The following SIL1 variants were observed in gnomAD, a reference collection of about 807,000 sequenced individuals.
The protein encoded by SIL1 is SIL1 nucleotide exchange factor, also known as nucleotide exchange factor SIL1.
A neutral mutation model predicts 49.1 loss-of-function variants in SIL1; 40 were observed. The observed-to-expected ratio is 0.81, with a 90% CI of 0.63 to 1.06. The LOEUF (loss-of-function observed/expected upper bound fraction) is 1.06. Among genes scored for constraint, SIL1 ranks in the 50% least tolerant of loss-of-function variants. The pLI is 0.00. For synonymous variants in SIL1, 253 were observed against 250.8 expected (o/e 1.01, Z -0.08); for missense variants, 500 against 572.6 (o/e 0.87, Z 1.29).
intron 3 of SIL1, among the ~76,000 whole-genome samples, chr5:139,115,168 C>A (rs1483086511): frequency 2.6e-5 from 4 of 152,160 alleles, no homozygotes; most frequent in Non-Finnish European, 5.9e-5. Flanking sequence ...GCCTCCCAAC[C>A]ACAGACCTGG....
intron 7 of SIL1, among the ~76,000 whole-genome samples, chr5:138,952,610 C>A (rs192073290): frequency 5.9e-5 from 9 of 152,206 alleles, no homozygotes; most frequent in Admixed American, 3.9e-4. Flanking sequence ...AACGACTGAA[C>A]GAACGAACGA....
At chr5:139,122,423 C>T (rs1349790625) in intron 2 of SIL1, among the ~76,000 whole-genome samples, 5 of 152,016 alleles carry the variant, frequency 3.3e-5, no homozygotes, top group Admixed American at 6.6e-5. Context: ...CAAAACCCCA[C>T]CTCTACAAAA....
intron 2 of SIL1, among the ~76,000 whole-genome samples, 198 bp from the exon 3 acceptor site, chr5:139,121,371 G>C (rs571792627): frequency 3.5e-4 from 54 of 152,280 alleles, no homozygotes; most frequent in Middle Eastern, 3.4e-3. Context: ...AATGAATGCA[G>C]CATGTTGTCC....
intron 7 of SIL1, among the ~76,000 whole-genome samples, chr5:139,014,426 T>C: frequency 6.7e-6 from 1 of 149,128 alleles, no homozygotes. Flanking sequence ...ATAAAGATGA[T>C]GATAAAACAA....
intron 1 of SIL1, among the ~76,000 whole-genome samples, chr5:139,188,462 G>C (rs1410294236): frequency 6.6e-6 from 1 of 152,132 alleles, no homozygotes; most frequent in African/African-American, 2.4e-5. Context: ...GAGAAGTGAG[G>C]CATGGTCTAT....
At chr5:139,047,674 C>G (rs1334787981) in intron 4 of SIL1, among the ~76,000 whole-genome samples, 1 of 152,190 alleles carries the variant, frequency 6.6e-6, no homozygotes, top group Non-Finnish European at 1.5e-5. Flanking sequence ...TGCTAAGGGG[C>G]CAGGAAGACA....
chr5:139,045,237 G>A (rs1769130755), intron 4 of SIL1, among the ~76,000 whole-genome samples: 1 of 151,910 alleles, frequency 6.6e-6, no homozygotes, highest in African/African-American at 2.4e-5. Context: ...TGCACCTGTG[G>A]CCCCAGCTAC....
At chr5:138,989,542 GGGAAGAAAGAGA>G (rs1767714036) in intron 7 of SIL1, among the ~76,000 whole-genome samples, 1 of 152,130 alleles carries the variant, frequency 6.6e-6, no homozygotes. Context: ...ACAGGAGGGA[GGGAAGAAAGAGA>G]GGAAGGAAGA....
Position 139,121,075 on chromosome 5 carries a change from C to T in SIL1, c.204G>A (p.Glu68=), listed in dbSNP as rs145095071. The T allele has an allele frequency of 3.1e-6, 5 of 1,614,072 alleles. No individual in the cohort carries two copies. In the South Asian group the frequency reaches 4.4e-5, roughly 14 times the overall value. ...AEEELDAEVL[E]VFHPTHEWQA... is the part of the protein sequence containing the mutation. The stretch of plus-strand genomic sequence containing the variant: ...GCCACTCATGCGTCGGGTGGAACAC[C>T]TCCAGGACTTCGGCATCCAGCTCCT... The change falls in exon 3 of 10, where the codon GAG becomes GAA. Residue 68 remains glutamate (E), a synonymous_variant. Transcript: ENST00000394817.
chr5:139,051,019 A>T lies in SIL1; in HGVS notation c.272T>A (p.Val91Glu). Residue 91 changes from valine to glutamate, a missense_variant, in exon 4 of 10, where the codon GTA becomes GAA. Transcript: ENST00000394817. ...PGQAVPAGSH[V>E]RLNLQTGERE... ...TTCCCCAGTCTGAAGATTCAGCCGT[A>T]CGTGGGATCCTGCAGGGACAGCCTG... The T allele has an allele frequency of 1.9e-6, 3 of 1,614,202 alleles. No homozygotes were observed. Among genetic ancestry groups the T allele is most frequent in the Non-Finnish European group, 1.7e-6 (2 of 1,180,034 alleles).
Position 139,050,990 on chromosome 5 carries a change from C to T in SIL1, c.301G>A (p.Glu101Lys). The T allele has an allele frequency of 6.2e-7, 1 of 1,614,202 alleles. No homozygotes were observed. Among genetic ancestry groups the T allele is most frequent in the Non-Finnish European group, 8.5e-7 (1 of 1,180,038 alleles). ...TTGTCCTCATATTGGAGTTTTGCCTCTCTTTCCCCAGTCTGAAGATTCAGC... is the reference window on the plus strand; with the variant it reads ...TTGTCCTCATATTGGAGTTTTGCCTTTCTTTCCCCAGTCTGAAGATTCAGC... ...VRLNLQTGER[E>K]AKLQYEDKFR... Residue 101 changes from glutamate (E) to lysine (K), a missense_variant, in exon 4 of 10, where the codon GAG becomes AAG. Physicochemically the swap from Glu to Lys is moderately conservative, Grantham distance 56. Transcript: ENST00000394817.
chr5:139,141,022 G>A (rs748005167), intron 1 of SIL1, among the ~76,000 whole-genome samples: 9 of 152,068 alleles, frequency 5.9e-5, no homozygotes, highest in Non-Finnish European at 1.3e-4. Context: ...CTGCCAAGAC[G>A]TCCCCCCGCA....
chr5:139,163,734 G>A (rs1407353869), intron 1 of SIL1, among the ~76,000 whole-genome samples: 1 of 152,080 alleles, frequency 6.6e-6, no homozygotes, highest in Non-Finnish European at 1.5e-5. Context: ...TGTACTAAAT[G>A]TATTAAATAT....
At chr5:138,956,481 C>T (rs1432100368) in intron 7 of SIL1, among the ~76,000 whole-genome samples, 1 of 152,188 alleles carries the variant, frequency 6.6e-6, no homozygotes, top group South Asian at 2.1e-4. Flanking sequence ...CAGTGGCTCA[C>T]GCCTGTAATC....
chr5:138,972,416 T>A (rs1450148939), intron 7 of SIL1, among the ~76,000 whole-genome samples: 1 of 152,240 alleles, frequency 6.6e-6, no homozygotes, highest in East Asian at 1.9e-4. Flanking sequence ...TGGGTCCAGA[T>A]GTAAGAACCT....
chr5:139,137,914 C>A lies in SIL1; in HGVS notation c.-10-10061G>T, dbSNP rs111978707. On this transcript the variant is annotated intron_variant, in intron 1 of 9. Transcript: ENST00000394817. Reference sequence around the variant, plus strand: ...CACACACCACACACACGCGCACACACACACATACCACACACAGGCACCTTG... The same window carrying A: ...CACACACCACACACACGCGCACACAAACACATACCACACACAGGCACCTTG... Among the ~76,000 whole-genome samples, 639 of 152,026 alleles carry A rather than the reference C, an allele frequency of 4.2e-3. 6 individuals carry two copies. The highest frequency in any genetic ancestry group is 0.014 in the African/African-American group (587 of 41,460).
chr5:139,162,998 T>C (rs1751544271), intron 1 of SIL1, among the ~76,000 whole-genome samples: 1 of 151,862 alleles, frequency 6.6e-6, no homozygotes, highest in Non-Finnish European at 1.5e-5. Flanking sequence ...GAGAAAAATA[T>C]TCTAGGCAGA....
At chr5:139,054,435 G>A (rs1769360539) in intron 3 of SIL1, among the ~76,000 whole-genome samples, 1 of 151,988 alleles carries the variant, frequency 6.6e-6, no homozygotes, top group African/African-American at 2.4e-5. Flanking sequence ...ATAATTATTT[G>A]TTAAGTGAAA....
chr5:139,003,963 G>A (rs1768051355), intron 7 of SIL1, among the ~76,000 whole-genome samples: 1 of 152,170 alleles, frequency 6.6e-6, no homozygotes, highest in African/African-American at 2.4e-5. Context: ...AACGGGAGGT[G>A]AGTGGAACAC....
Sources: allele counts gnomAD v4.1 joint callset (sites outside exome capture counted in the v4.1 genomes callset), GRCh38; gene constraint gnomAD v4.1.1; transcripts MANE v1.5; gene names NCBI Gene and HGNC (gene_info 2026-07-23, HGNC 2026-07-21).